Variants in KAZN observed in about 807,000 individuals in gnomAD.
KAZN encodes kazrin, periplakin interacting protein.
In KAZN, 40 loss-of-function variants were observed where a neutral mutation model predicts 87.4. That is an observed-to-expected ratio of 0.46 (90% confidence interval 0.36 to 0.60). The LOEUF (loss-of-function observed/expected upper bound fraction) is 0.60, where lower values mean the gene tolerates loss of function less well. Among genes scored for constraint, KAZN ranks in the 20% least tolerant of loss-of-function variants. The probability of loss-of-function intolerance (pLI) is 0.00; values close to 1 mark genes in which losing one functional copy is unlikely to be tolerated. For missense variants in KAZN, 898 were observed against 1,073.9 expected, an observed-to-expected ratio of 0.84 and a Z score of 2.29; for synonymous variants, 466 against 458.3, an observed-to-expected ratio of 1.02 and a Z score of -0.22.
intron 2 of KAZN, among the ~76,000 whole-genome samples, chr1:14,573,801 C>T (rs1675014735): frequency 6.6e-6 from 1 of 152,024 alleles, no homozygotes; most frequent in Non-Finnish European, 1.5e-5. Context: ...GTACTTTACC[C>T]CTAAGATTGT....
intron 2 of KAZN, among the ~76,000 whole-genome samples, chr1:14,388,456 T>C (rs1408139879): frequency 1.3e-5 from 2 of 152,194 alleles, no homozygotes; most frequent in African/African-American, 2.4e-5. Context: ...CTTTAAAATA[T>C]ACTACAGAGT....
At chr1:14,374,640 C>T (rs1267501966) in intron 2 of KAZN, among the ~76,000 whole-genome samples, 2 of 152,110 alleles carry the variant, frequency 1.3e-5, no homozygotes, top group Admixed American at 6.5e-5. Context: ...AAGATGAAGA[C>T]GCCCTTCTGG....
chr1:14,838,283 C>T (rs540464806), intron 1 of KAZN, among the ~76,000 whole-genome samples: 74 of 152,282 alleles, frequency 4.9e-4, no homozygotes, highest in African/African-American at 1.7e-3. Flanking sequence ...AAGGCCCTAC[C>T]GCTGTATACT....
chr1:14,406,456 C>T (rs571703572), intron 2 of KAZN, among the ~76,000 whole-genome samples: 4 of 151,896 alleles, frequency 2.6e-5, no homozygotes, highest in Admixed American at 6.6e-5. Flanking sequence ...ACCCAAACAT[C>T]GAATGTTCTC....
At chr1:14,498,742 G>T (rs1029272261) in intron 2 of KAZN, among the ~76,000 whole-genome samples, 1 of 151,934 alleles carries the variant, frequency 6.6e-6, no homozygotes, top group African/African-American at 2.4e-5. Flanking sequence ...GAGAGTGGAG[G>T]GTGGGAAGAG....
chr1:14,695,663 G>A (rs1483376809), intron 1 of KAZN, among the ~76,000 whole-genome samples: 3 of 151,700 alleles, frequency 2.0e-5, no homozygotes, highest in Non-Finnish European at 4.4e-5. Flanking sequence ...GCACCACCAT[G>A]CCTAGCTAAT....
chr1:15,060,447 T>G, intron 6 of KAZN, 145 bp downstream of exon 6: 1 of 1,124,152 alleles, frequency 8.9e-7, no homozygotes, highest in South Asian at 1.5e-5. Context: ...TTCTGTTCTT[T>G]CCTTTTGCAA....
chr1:13,980,576 A>T (rs2101074179), intron 1 of KAZN, among the ~76,000 whole-genome samples: 1 of 152,322 alleles, frequency 6.6e-6, no homozygotes, highest in East Asian at 1.9e-4. Context: ...ACATATAGCA[A>T]ATATAAATTT....
chr1:14,326,731 G>T (rs1027223557), intron 2 of KAZN, among the ~76,000 whole-genome samples: 1 of 152,050 alleles, frequency 6.6e-6, no homozygotes, highest in African/African-American at 2.4e-5. Context: ...CTTAATCTTG[G>T]TAATCACTCT....
At chr1:13,981,795 C>G (rs1013011877) in intron 1 of KAZN, among the ~76,000 whole-genome samples, 1 of 152,152 alleles carries the variant, frequency 6.6e-6, no homozygotes, top group Admixed American at 6.5e-5. Context: ...CCTGTGGAAG[C>G]ATGTGATGAC....
At chr1:14,817,025 G>T (rs1184263576) in intron 1 of KAZN, among the ~76,000 whole-genome samples, 1 of 152,192 alleles carries the variant, frequency 6.6e-6, no homozygotes, top group Non-Finnish European at 1.5e-5. Flanking sequence ...TCCAACAGTG[G>T]CCATTGGCCA....
intron 2 of KAZN, among the ~76,000 whole-genome samples, chr1:14,284,094 TG>T (rs1653054776): frequency 7.6e-6 from 1 of 130,834 alleles, no homozygotes; most frequent in Admixed American, 7.9e-5. Flanking sequence ...CTGCCTAGGG[TG>T]GGGATGGGAG....
chr1:14,270,814 G>A (rs576770159), intron 2 of KAZN, among the ~76,000 whole-genome samples: 3 of 151,780 alleles, frequency 2.0e-5, no homozygotes, highest in Non-Finnish European at 2.9e-5. Context: ...AATATACTTC[G>A]ATCTTCCCTT....
At chr1:14,313,486 G>A (rs1655446209) in intron 2 of KAZN, among the ~76,000 whole-genome samples, 1 of 152,136 alleles carries the variant, frequency 6.6e-6, no homozygotes, top group Non-Finnish European at 1.5e-5. Context: ...TTCTATGAAG[G>A]GGTGGTGTTT....
At chr1:14,643,575 G>A (rs991672523) in intron 1 of KAZN, among the ~76,000 whole-genome samples, 1 of 152,172 alleles carries the variant, frequency 6.6e-6, no homozygotes, top group Non-Finnish European at 1.5e-5. Context: ...TCAATGATGG[G>A]CATTTAGTTT....
rs1658871768 is a variant in KAZN, at chr1:14,924,202, C to T, written c.227-36482C>T. On this transcript the variant is annotated intron_variant, in intron 1 of 14. Transcript: ENST00000376030. ...CAGGCGCGGACCGCCCGGCGTCCGG[C>T]CGGACTGAGAGCCCTGGTCCGGCGC... 9 of 981,798 alleles carry T rather than the reference C, an allele frequency of 9.2e-6. No homozygotes were observed. In the South Asian group the frequency reaches 4.2e-4, roughly 46 times the overall value. The allele number at this position is 981,798 out of a possible 1,614,324, so 60.8% of individuals were successfully genotyped here. A position where few individuals can be genotyped will look rare whatever the true frequency, so the allele number is the denominator to read the frequency against.
intron 1 of KAZN, among the ~76,000 whole-genome samples, chr1:14,888,482 T>C (rs1440284063): frequency 6.6e-6 from 1 of 152,208 alleles, no homozygotes; most frequent in African/African-American, 2.4e-5. Context: ...TGCTAAAGAA[T>C]GAATCCCTTT....
intron 1 of KAZN, among the ~76,000 whole-genome samples, chr1:14,159,087 G>C (rs1372290366): frequency 7.2e-5 from 11 of 152,034 alleles, no homozygotes; most frequent in Admixed American, 5.9e-4. Context: ...CTCACTCAAG[G>C]CCTGCTGTAA....
chr1:14,659,227 TTAAAA>T (rs1300238765), intron 1 of KAZN, among the ~76,000 whole-genome samples: 3 of 151,906 alleles, frequency 2.0e-5, no homozygotes, highest in Non-Finnish European at 4.4e-5. Context: ...GACTCTTGTC[TTAAAA>T]TAAAATAAAA....
Sources: allele counts gnomAD v4.1 joint callset (sites outside exome capture counted in the v4.1 genomes callset), GRCh38; gene constraint gnomAD v4.1.1; transcripts MANE v1.5; gene names NCBI Gene and HGNC (gene_info 2026-07-23, HGNC 2026-07-21).